Variants in DCBLD2 observed in about 807,000 individuals in gnomAD.
DCBLD2 encodes the protein discoidin, CUB and LCCL domain containing 2.
DCBLD2 carries 54 observed loss-of-function variants against 86.8 expected under a neutral mutation model. The ratio of observed to expected loss-of-function variants is 0.62; its 90% CI spans 0.50 to 0.78. The LOEUF is 0.78. Ranked by LOEUF, DCBLD2 falls within the 30% of genes least tolerant of loss-of-function variation. DCBLD2 has a pLI of 0.00. For missense variants in DCBLD2, 908 were observed against 954.2 expected (o/e 0.95, Z 0.64); for synonymous variants, 354 against 341.3 (o/e 1.04, Z -0.41).
intron 2 of DCBLD2, among the ~76,000 whole-genome samples, chr3:98,868,844 A>T (rs1035652519): frequency 6.6e-6 from 1 of 152,142 alleles, no homozygotes; most frequent in Non-Finnish European, 1.5e-5. Flanking sequence ...TATATATATA[A>T]CATTTTCTTT....
At chr3:98,832,950 T>G (rs187266156) in intron 3 of DCBLD2, among the ~76,000 whole-genome samples, 3 of 152,192 alleles carry the variant, frequency 2.0e-5, no homozygotes, top group Admixed American at 1.3e-4. Context: ...TTCTCTGTAT[T>G]TCCTGAATTT....
intron 3 of DCBLD2, among the ~76,000 whole-genome samples, chr3:98,832,189 T>A (rs1036962783): frequency 6.6e-6 from 1 of 152,228 alleles, no homozygotes; most frequent in Non-Finnish European, 1.5e-5. Context: ...CTTTACATTA[T>A]GTAATGCCCT....
intron 1 of DCBLD2, among the ~76,000 whole-genome samples, chr3:98,891,219 A>G (rs1368782156): frequency 1.3e-5 from 2 of 151,266 alleles, no homozygotes; most frequent in Non-Finnish European, 3.0e-5. Flanking sequence ...AGGGAGGGAG[A>G]GAGAGAGAGA....
chr3:98,856,851 CA>C (rs1942938734), intron 2 of DCBLD2, among the ~76,000 whole-genome samples: 1 of 151,892 alleles, frequency 6.6e-6, no homozygotes, highest in African/African-American at 2.4e-5. Flanking sequence ...AGAAAAAAAA[CA>C]GACTAAAAAG....
Position 98,808,103 on chromosome 3 carries a change from A to G in DCBLD2, c.1648T>C (p.Cys550Arg), listed in dbSNP as rs1427017885. 6.2e-7 allele frequency: 1 copy of G among 1,604,056 alleles called. No homozygotes were observed. The highest frequency in any genetic ancestry group is 1.7e-5 in the Admixed American group (1 of 58,348). The change falls in exon 13 of 16, where the codon TGT becomes CGT. Residue 550 changes from cysteine to arginine, a missense_variant. Cys to Arg is a radical substitution (Grantham distance 180, BLOSUM62 -3). This residue lies in a region of DCBLD2 where 606 missense variants were observed against 678.5 expected (regional missense o/e 0.89). Transcript: ENST00000326840. Reference protein sequence around the residue: ...VLTTLILILVCAWHWRNRKKK... With the variant: ...VLTTLILILVRAWHWRNRKKK... ...AACCTGTTTCTCCAGTGCCAAGCAC[A>G]CACTAATATGAGAATGAGAGTAGTG...
At chr3:98,799,895 T>TA in intron 15 of DCBLD2, 54 bp from the exon 16 acceptor site, 1 of 1,432,700 alleles carries the variant, frequency 7.0e-7, no homozygotes, top group Non-Finnish European at 9.4e-7. Flanking sequence ...AGAGATTGCA[T>TA]AATTTAGGGT....
At chr3:98,897,931 C>A (rs1191115527) in intron 1 of DCBLD2, among the ~76,000 whole-genome samples, 1 of 152,066 alleles carries the variant, frequency 6.6e-6, no homozygotes, top group African/African-American at 2.4e-5. Context: ...GACCTAAAAT[C>A]ATAGTAAACC....
At chr3:98,852,037 C>G (rs1415497852) in intron 2 of DCBLD2, among the ~76,000 whole-genome samples, 1 of 152,158 alleles carries the variant, frequency 6.6e-6, no homozygotes, top group African/African-American at 2.4e-5. Context: ...GACTGCATGA[C>G]TAAAACACCA....
intron 2 of DCBLD2, among the ~76,000 whole-genome samples, chr3:98,868,128 T>C (rs1160593956): frequency 6.6e-6 from 1 of 152,140 alleles, no homozygotes; most frequent in Non-Finnish European, 1.5e-5. Flanking sequence ...ATCCAAGATT[T>C]AAATACTATC....
At chr3:98,880,229 G>A (rs936581948) in intron 2 of DCBLD2, among the ~76,000 whole-genome samples, 5 of 152,168 alleles carry the variant, frequency 3.3e-5, no homozygotes, top group African/African-American at 1.2e-4. Context: ...AAGTAAAGAA[G>A]AGATGAAGGA....
chr3:98,870,806 A>AAAGGAAGAAAGAAAGG (rs1491200178), intron 2 of DCBLD2, among the ~76,000 whole-genome samples: 1 of 123,300 alleles, frequency 8.1e-6, no homozygotes, highest in Non-Finnish European at 1.7e-5. Flanking sequence ...AGAAAGAAAG[A>AAAGGAAGAAAGAAAGG]AAGAAAGGTA....
At chr3:98,878,715 G>T (rs1279788667) in intron 2 of DCBLD2, among the ~76,000 whole-genome samples, 1 of 152,144 alleles carries the variant, frequency 6.6e-6, no homozygotes, top group African/African-American at 2.4e-5. Context: ...TAGGTGTGAT[G>T]GGGGAAGGGT....
intron 10 of DCBLD2, 53 bp downstream of exon 10, chr3:98,812,279 A>C: frequency 6.2e-7 from 1 of 1,600,678 alleles, no homozygotes; most frequent in South Asian, 1.1e-5. Context: ...CAGCAAAACC[A>C]TTTTAAATTG....
chr3:98,839,309 G>A (rs1160445702), intron 3 of DCBLD2, among the ~76,000 whole-genome samples: 3 of 150,944 alleles, frequency 2.0e-5, no homozygotes, highest in Non-Finnish European at 4.4e-5. Flanking sequence ...CAGTCGAGTT[G>A]TTTTCTTGAT....
At chr3:98,809,971 A>G (rs1941909178) in intron 12 of DCBLD2, among the ~76,000 whole-genome samples, 1 of 152,188 alleles carries the variant, frequency 6.6e-6, no homozygotes, top group Non-Finnish European at 1.5e-5. Flanking sequence ...AGAGGCTTTA[A>G]AACATCTTCT....
At chr3:98,886,802 C>A (rs1972433) in intron 1 of DCBLD2, among the ~76,000 whole-genome samples, 59,487 of 128,406 alleles carry the variant, frequency 0.46, 12,883 homozygotes, top group Non-Finnish European at 0.49. Flanking sequence ...ACAGGAAAAC[C>A]CCCCCCCTTT....
At chr3:98,877,290 C>A (rs949980761) in intron 2 of DCBLD2, among the ~76,000 whole-genome samples, 1 of 152,114 alleles carries the variant, frequency 6.6e-6, no homozygotes, top group Non-Finnish European at 1.5e-5. Flanking sequence ...GGAGTAAGAA[C>A]CAGCCTAAAG....
chr3:98,898,683 A>T (rs891487060), intron 1 of DCBLD2, among the ~76,000 whole-genome samples: 4 of 152,140 alleles, frequency 2.6e-5, no homozygotes. Context: ...ACTTCTTTTC[A>T]GGTTATGTGA....
chr3:98,845,411 A>G (rs13083238), intron 3 of DCBLD2, among the ~76,000 whole-genome samples: 9,306 of 152,194 alleles, frequency 0.061, 348 homozygotes, highest in Non-Finnish European at 0.071. Flanking sequence ...TAATTCATCG[A>G]AATGTTCCCT....
Sources: allele counts gnomAD v4.1 joint callset (sites outside exome capture counted in the v4.1 genomes callset), GRCh38; gene constraint gnomAD v4.1.1; regional missense constraint gnomAD v4.1.1; transcripts MANE v1.5; gene names NCBI Gene and HGNC (gene_info 2026-07-23, HGNC 2026-07-21).